GLDC: variants seen among roughly 807,000 people sequenced by gnomAD.
GLDC encodes the protein glycine decarboxylase.
GLDC carries 104 observed loss-of-function variants against 121.3 expected under a neutral mutation model. That is an observed-to-expected ratio of 0.86 (90% CI 0.73 to 1.01). GLDC has a LOEUF of 1.01. Among genes scored for constraint, GLDC ranks in the 50% least tolerant of loss-of-function variants. The pLI is 0.00. For missense variants in GLDC, 1,429 were observed against 1,306.6 expected, an observed-to-expected ratio of 1.09 and a Z score of -1.44; for synonymous variants, 546 against 480.6, an observed-to-expected ratio of 1.14 and a Z score of -1.78.
chr9:6,626,329 T>G (rs1034282762), intron 2 of GLDC, among the ~76,000 whole-genome samples: 9 of 151,942 alleles, frequency 5.9e-5, no homozygotes, highest in African/African-American at 2.2e-4. Flanking sequence ...GACAATTAGC[T>G]CCAGGAGACC....
intron 16 of GLDC, 53 bp downstream of exon 16, chr9:6,565,301 G>A: frequency 7.9e-7 from 1 of 1,262,718 alleles, no homozygotes; most frequent in Non-Finnish European, 1.2e-6. Context: ...GACCCTGAGA[G>A]CCAGGACCTC....
At chr9:6,561,715 T>A (rs1587929152) in intron 16 of GLDC, among the ~76,000 whole-genome samples, 2 of 152,288 alleles carry the variant, frequency 1.3e-5, no homozygotes, top group African/African-American at 4.8e-5. Context: ...AAGTTTTGGT[T>A]TATCCAAAGC....
At chr9:6,589,478 T>C (rs971581316) in intron 11 of GLDC, among the ~76,000 whole-genome samples, 186 bp from the exon 12 acceptor site, 5 of 152,180 alleles carry the variant, frequency 3.3e-5, no homozygotes, top group Admixed American at 3.3e-4. Flanking sequence ...GCACCCAGGC[T>C]AGAGTGCAGT....
chr9:6,589,520 C>T (rs929655122), intron 11 of GLDC, among the ~76,000 whole-genome samples: 1 of 152,118 alleles, frequency 6.6e-6, no homozygotes, highest in Non-Finnish European at 1.5e-5. Context: ...AGCCTTGGCC[C>T]TACTGGGCTC....
chr9:6,623,001 C>T, intron 2 of GLDC: 1 of 160,316 alleles, frequency 6.2e-6, no homozygotes, highest in Non-Finnish European at 1.2e-5. Context: ...GGTGGGGGGT[C>T]AGCCCCTGCC....
rs1818384057 is a variant in GLDC, at chr9:6,591,971, G to A, written c.1482+172C>T. Reference sequence around the variant, plus strand: ...TAATACTGGCTGGAGCCCTACAGCAGTGACCTCCAGCTGTCAGCAGTGACT... The same window carrying A: ...TAATACTGGCTGGAGCCCTACAGCAATGACCTCCAGCTGTCAGCAGTGACT... On this transcript the variant is annotated intron_variant, in intron 11 of 24. Coordinates refer to ENST00000321612, the MANE Select transcript of GLDC (RefSeq NM_000170.3). The A allele has an allele frequency of 9.2e-6, 6 of 655,328 alleles. No homozygotes were observed. The East Asian group carries it at 1.1e-4, about 12-fold the overall frequency. The allele number at this position is 655,328 out of a possible 1,614,324, so 40.6% of individuals were successfully genotyped here.
intron 21 of GLDC, chr9:6,541,861 A>T (rs1168699827): frequency 1.4e-5 from 2 of 138,116 alleles, no homozygotes; most frequent in Non-Finnish European, 3.1e-5. Flanking sequence ...TTTGAAAATA[A>T]AACTATAAAG....
At chr9:6,554,905 T>C in intron 18 of GLDC, 124 bp from the exon 19 acceptor site, 8 of 748,150 alleles carry the variant, frequency 1.1e-5, no homozygotes, top group South Asian at 7.4e-5. Context: ...GCCACATCCA[T>C]GGTGTTCACA....
At chr9:6,565,857 C>T in intron 15 of GLDC, 1 of 337,160 alleles carries the variant, frequency 3.0e-6, no homozygotes, top group Non-Finnish European at 5.5e-6. Context: ...CACTTTCATG[C>T]TGAACTATAT....
chr9:6,537,840 T>C (rs1395609767), intron 22 of GLDC, among the ~76,000 whole-genome samples: 2 of 152,082 alleles, frequency 1.3e-5, no homozygotes, highest in Non-Finnish European at 2.9e-5. Context: ...AGCACCCATA[T>C]ACCCACCACC....
chr9:6,587,220 A>T lies in GLDC; in HGVS notation c.1771T>A (p.Tyr591Asn). 6.2e-7 allele frequency: 1 copy of T among 1,613,956 alleles called. No individual in the cohort carries two copies. The highest frequency in any genetic ancestry group is 8.5e-7 in the Non-Finnish European group (1 of 1,179,790). The change falls in exon 15 of 25, where the codon TAT becomes AAT. Residue 591 changes from tyrosine to asparagine, a missense_variant. Transcript: ENST00000321612. ...TCAAGCTCTCGGAAAAGCTGCTGAT[A>T]TCCTTGAGCTTGATCCAGAGGCACA... The part of the protein sequence containing the change: ...PFVPLDQAQG[Y>N]QQLFRELEKD...
At chr9:6,606,288 C>A (rs921726379) in intron 5 of GLDC, 2 of 360,754 alleles carry the variant, frequency 5.5e-6, no homozygotes, top group African/African-American at 5.0e-5. Context: ...CCAGCCTGGA[C>A]GACAGAGCGA....
chr9:6,542,368 G>C (rs987784415), intron 21 of GLDC: 7 of 152,270 alleles, frequency 4.6e-5, no homozygotes, highest in Admixed American at 3.9e-4. Context: ...CCTCCTGAGA[G>C]TAGCTGGGAC....
At chr9:6,559,994 G>T (rs1006879916) in intron 16 of GLDC, among the ~76,000 whole-genome samples, 2 of 152,186 alleles carry the variant, frequency 1.3e-5, no homozygotes, top group East Asian at 1.9e-4. Context: ...CAAGAGCTGA[G>T]CCTAAGTTAG....
chr9:6,555,417 T>G (rs10975640), intron 18 of GLDC, among the ~76,000 whole-genome samples: 45,179 of 151,454 alleles, frequency 0.3, 7,045 homozygotes, highest in South Asian at 0.41. Context: ...CAATAGACAA[T>G]CTCTGGATTA....
At chr9:6,544,272 A>T (rs1161689666) in intron 21 of GLDC, among the ~76,000 whole-genome samples, 1 of 152,128 alleles carries the variant, frequency 6.6e-6, no homozygotes, top group Non-Finnish European at 1.5e-5. Flanking sequence ...GGGACTGAGC[A>T]GGGTCACTTG....
Position 6,589,180 on chromosome 9 carries a change from A to C in GLDC, c.1580+15T>G. The C allele has an allele frequency of 6.6e-7, 1 of 1,507,554 alleles. No individual in the cohort carries two copies. Among genetic ancestry groups the C allele is most frequent in the Non-Finnish European group, 9.2e-7 (1 of 1,082,558 alleles). 93.4% of individuals were successfully genotyped at this position (1,507,554 alleles called of 1,614,324 possible). A position where few individuals can be genotyped will look rare whatever the true frequency, so the allele number is the denominator to read the frequency against. On this transcript the variant is annotated intron_variant, in intron 12 of 24. Transcript: ENST00000321612. ...CCAAAGCACAAAACGCAGAAGTCACACAAGACACACAAACCTGTTGAACAC... is the reference window on the plus strand; with the variant it reads ...CCAAAGCACAAAACGCAGAAGTCACCCAAGACACACAAACCTGTTGAACAC...
At chr9:6,606,828 T>C (rs1484133209) in intron 4 of GLDC, among the ~76,000 whole-genome samples, 159 bp from the exon 5 acceptor site, 1 of 152,088 alleles carries the variant, frequency 6.6e-6, no homozygotes, top group African/African-American at 2.4e-5. Flanking sequence ...ATCCCAGCAC[T>C]TTGGGAGGCC....
chr9:6,549,854 G>C (rs965640681), intron 21 of GLDC, among the ~76,000 whole-genome samples: 1 of 152,070 alleles, frequency 6.6e-6, no homozygotes, highest in African/African-American at 2.4e-5. Context: ...CTTAATGATT[G>C]TAACGGTCTC....
Sources: allele counts gnomAD v4.1 joint callset (sites outside exome capture counted in the v4.1 genomes callset), GRCh38; gene constraint gnomAD v4.1.1; transcripts MANE v1.5; gene names NCBI Gene and HGNC (gene_info 2026-07-23, HGNC 2026-07-21).